Variants in ATXN7L1 observed in about 807,000 individuals in gnomAD.
The protein encoded by ATXN7L1 is ataxin-7-like protein 1.
Under a neutral mutation model 70.8 loss-of-function variants are expected in ATXN7L1, and 15 were observed. The ratio of observed to expected loss-of-function variants is 0.21; its 90% CI spans 0.14 to 0.33. The LOEUF (loss-of-function observed/expected upper bound fraction) is 0.33, where lower values mean the gene tolerates loss of function less well. ATXN7L1 is among the 10% of genes least tolerant of loss of function. The pLI, the probability that ATXN7L1 is intolerant of heterozygous loss-of-function variation, is 1.00. For missense variants in ATXN7L1, 975 were observed against 1,097.1 expected (o/e 0.89, Z 1.57); for synonymous variants, 440 against 445.1 (o/e 0.99, Z 0.14).
At chr7:105,844,889 C>T (rs746046611) in intron 2 of ATXN7L1, among the ~76,000 whole-genome samples, 5 of 152,024 alleles carry the variant, frequency 3.3e-5, no homozygotes, top group South Asian at 2.1e-4. Context: ...AACACGGTTG[C>T]GGAATAAAAG....
intron 3 of ATXN7L1, among the ~76,000 whole-genome samples, chr7:105,721,449 T>C (rs1309581066): frequency 1.3e-5 from 2 of 152,120 alleles, no homozygotes; most frequent in Non-Finnish European, 2.9e-5. Context: ...CTAATCACGG[T>C]GTTCTGAGGC....
At chr7:105,851,153 A>G (rs1814819081) in intron 2 of ATXN7L1, among the ~76,000 whole-genome samples, 1 of 151,912 alleles carries the variant, frequency 6.6e-6, no homozygotes, top group South Asian at 2.1e-4. Context: ...ACCAGCTACC[A>G]TTTTTCTGAC....
chr7:105,684,368 G>C (rs1010867285), intron 3 of ATXN7L1, among the ~76,000 whole-genome samples: 1 of 152,114 alleles, frequency 6.6e-6, no homozygotes, highest in Non-Finnish European at 1.5e-5. Context: ...CCCTGATCTT[G>C]GTTCTCTTGG....
chr7:105,851,965 C>G lies in ATXN7L1; in HGVS notation c.250+23847G>C, dbSNP rs761885387. Among the ~76,000 whole-genome samples, 49 of 152,308 alleles carry G rather than the reference C, an allele frequency of 3.2e-4. 1 individual carries two copies. The highest frequency in any genetic ancestry group is 8.3e-4 in the South Asian group (4 of 4,824). The stretch of plus-strand genomic sequence containing the variant: ...ATGAAGGATCAATGCCACTACTTCT[C>G]TCTCCTCCTCCTTCCACCACCATCT... On this transcript the variant is annotated intron_variant, in intron 2 of 11. Transcript: ENST00000419735.
In ATXN7L1 at chr7:105,613,806, G is replaced by C. The variant is rs548696828; in HGVS notation, c.2472+56C>G. 3 of 1,551,478 alleles carry C rather than the reference G, an allele frequency of 1.9e-6. No individual in the cohort carries two copies. In the South Asian group the frequency reaches 3.6e-5, roughly 18 times the overall value. On this transcript the variant is annotated intron_variant, in intron 10 of 11. Coordinates refer to ENST00000419735, the MANE Select transcript of ATXN7L1 (RefSeq NM_020725.2). ...AGCCGCCCGGCTAAGCAGGGGCGCT[G>C]CCCAGCTCCCCCTGCCCCCCAGAGC...
rs1312918254 is a variant in ATXN7L1, at chr7:105,742,690, C to T, written c.355+45914G>A. 2.6e-5 allele frequency among the ~76,000 whole-genome samples: 4 copies of T among 152,242 alleles called. No homozygotes were observed. In the East Asian group the frequency reaches 7.7e-4, roughly 29 times the overall value. On this transcript the variant is annotated intron_variant, in intron 3 of 11. Coordinates refer to ENST00000419735, the MANE Select transcript of ATXN7L1 (RefSeq NM_020725.2). ...ACTCTGGGCAGGCACTTTCCAAACA[C>T]TGACATTATTAATCCATTTTACACG... is the stretch of plus-strand genomic sequence containing the variant.
At chr7:105,765,014 G>A (rs1801057548) in intron 3 of ATXN7L1, among the ~76,000 whole-genome samples, 2 of 152,078 alleles carry the variant, frequency 1.3e-5, no homozygotes, top group African/African-American at 4.8e-5. Context: ...CATCTTCCTT[G>A]AAGTAGGAGT....
chr7:105,819,623 T>C, intron 2 of ATXN7L1: 1 of 879,150 alleles, frequency 1.1e-6, no homozygotes, highest in Non-Finnish European at 1.9e-6. Flanking sequence ...TCATCATTTC[T>C]GGCCATTTCT....
chr7:105,810,679 C>T (rs1808304031), intron 2 of ATXN7L1, among the ~76,000 whole-genome samples: 1 of 152,216 alleles, frequency 6.6e-6, no homozygotes, highest in Non-Finnish European at 1.5e-5. Context: ...AAGAAGCCAG[C>T]CTGTGTGCAG....
intron 2 of ATXN7L1, among the ~76,000 whole-genome samples, chr7:105,835,224 G>A (rs1812206324): frequency 7.5e-6 from 1 of 134,104 alleles, no homozygotes; most frequent in Non-Finnish European, 1.5e-5. Flanking sequence ...GTGCAATCAT[G>A]GCTCACTGTA....
chr7:105,666,813 T>G (rs1171590318), intron 3 of ATXN7L1, among the ~76,000 whole-genome samples: 3 of 152,216 alleles, frequency 2.0e-5, no homozygotes, highest in African/African-American at 7.2e-5. Flanking sequence ...AACAAAGAGC[T>G]AGTTCTGGGG....
At chr7:105,781,067 G>A (rs73417310) in intron 3 of ATXN7L1, among the ~76,000 whole-genome samples, 14,148 of 152,234 alleles carry the variant, frequency 0.093, 791 homozygotes, top group East Asian at 0.27. Context: ...TAGGAGTGGG[G>A]TAGAGACTGC....
rs758923509 is a variant in ATXN7L1, at chr7:105,829,392, G to A, written c.251-40684C>T. Among the ~76,000 whole-genome samples the A allele has an allele frequency of 2.6e-5, 4 of 152,270 alleles. No homozygotes were observed. The South Asian group carries it at 6.2e-4, about 24-fold the overall frequency. On this transcript the variant is annotated intron_variant, in intron 2 of 11. Transcript: ENST00000419735. ...TGGGAAGTGGAGGTTGCAATGAGCC[G>A]AGATCAGGCCATTGCACTCATTGCA... is the stretch of plus-strand genomic sequence containing the variant.
At chr7:105,705,523 A>G (rs1459503992) in intron 3 of ATXN7L1, among the ~76,000 whole-genome samples, 2 of 152,120 alleles carry the variant, frequency 1.3e-5, no homozygotes, top group Non-Finnish European at 2.9e-5. Flanking sequence ...GGGATGTCTA[A>G]GGGCCTCTCC....
chr7:105,638,563 T>C lies in ATXN7L1; in HGVS notation c.992A>G (p.Gln331Arg), dbSNP rs1223487442. 19 of 1,551,936 alleles carry C rather than the reference T, an allele frequency of 1.2e-5. No individual in the cohort carries two copies. Among genetic ancestry groups the C allele is most frequent in the Admixed American group, 2.0e-5 (1 of 50,994 alleles). Residue 331 changes from glutamine to arginine, a missense_variant, in exon 7 of 12, where the codon CAA becomes CGA. Physicochemically the swap from Gln to Arg is conservative, Grantham distance 43 (BLOSUM62 1). Around this residue, in one of 5 missense-constraint regions of ATXN7L1, gnomAD observed 635 missense variants for 699.4 expected, o/e 0.91. Coordinates refer to ENST00000419735, the MANE Select transcript of ATXN7L1 (RefSeq NM_020725.2). Reference protein sequence around the residue: ...HRRAVPGRKKQFDLLLAEHKA... With the variant: ...HRRAVPGRKKRFDLLLAEHKA... Reference sequence around the variant, plus strand: ...GTGTTCTGCCAGGAGGAGGTCAAATTGCTTTTTCCGGCCTGGGACTGCCCT... The same window carrying C: ...GTGTTCTGCCAGGAGGAGGTCAAATCGCTTTTTCCGGCCTGGGACTGCCCT...
intron 3 of ATXN7L1, among the ~76,000 whole-genome samples, chr7:105,779,394 G>A (rs550545590): frequency 6.6e-6 from 1 of 152,316 alleles, no homozygotes; most frequent in South Asian, 2.1e-4. Context: ...AACCTGCTAT[G>A]TTCTGGACCC....
chr7:105,662,064 TTCCTTCCTTCCTTCCTTC>T (rs1271780030), intron 4 of ATXN7L1, among the ~76,000 whole-genome samples: 5 of 91,972 alleles, frequency 5.4e-5, no homozygotes, highest in South Asian at 1.1e-3. Flanking sequence ...CCTTCCTTCC[TTCCTTCCTTCCTTCCTTC>T]TTTCTTTTCT....
At chr7:105,846,987 T>C (rs1027516585) in intron 2 of ATXN7L1, among the ~76,000 whole-genome samples, 1 of 152,296 alleles carries the variant, frequency 6.6e-6, no homozygotes. Flanking sequence ...TGCTAATGGG[T>C]ACAAGGTTTC....
intron 3 of ATXN7L1, among the ~76,000 whole-genome samples, chr7:105,759,140 CTTTT>C (rs11371276): frequency 6.9e-6 from 1 of 144,864 alleles, no homozygotes; most frequent in Non-Finnish European, 1.5e-5. Flanking sequence ...ATTTAGTGGC[CTTTT>C]TTTTAGTTTA....
Sources: allele counts gnomAD v4.1 joint callset (sites outside exome capture counted in the v4.1 genomes callset), GRCh38; gene constraint gnomAD v4.1.1; regional missense constraint gnomAD v4.1.1; transcripts MANE v1.5; gene names NCBI Gene and HGNC (gene_info 2026-07-23, HGNC 2026-07-21).